Variants in GRM8 observed in about 807,000 individuals in gnomAD.
GRM8 encodes glutamate metabotropic receptor 8.
Under a neutral mutation model 87.2 loss-of-function variants are expected in GRM8, and 47 were observed. The ratio of observed to expected loss-of-function variants is 0.54; its 90% CI spans 0.43 to 0.69. GRM8 has a LOEUF of 0.69. Among genes scored for constraint, GRM8 ranks in the 30% least tolerant of loss-of-function variants. The pLI is 0.00. For synonymous variants in GRM8, 396 were observed against 404.5 expected, an observed-to-expected ratio of 0.98 and a Z score of 0.25; for missense variants, 1,019 against 1,139.2, an observed-to-expected ratio of 0.89 and a Z score of 1.52.
At chr7:126,591,931 G>C (rs1796708652) in intron 8 of GRM8, among the ~76,000 whole-genome samples, 1 of 151,662 alleles carries the variant, frequency 6.6e-6, no homozygotes, top group South Asian at 2.1e-4. Context: ...CATTACAACT[G>C]ATACATCAGA....
chr7:126,515,683 G>A (rs1720700366), intron 9 of GRM8, among the ~76,000 whole-genome samples: 4 of 151,934 alleles, frequency 2.6e-5, no homozygotes, highest in Non-Finnish European at 5.9e-5. Flanking sequence ...CTTGGCTCAT[G>A]GCCCCTTCCA....
At chr7:127,233,610 A>G (rs1797820284) in intron 2 of GRM8, among the ~76,000 whole-genome samples, 1 of 152,198 alleles carries the variant, frequency 6.6e-6, no homozygotes, top group African/African-American at 2.4e-5. Flanking sequence ...CACATGTCCC[A>G]AAGAAGCCTC....
chr7:127,049,878 G>C (rs192490563), intron 3 of GRM8, among the ~76,000 whole-genome samples: 19 of 152,280 alleles, frequency 1.2e-4, no homozygotes, highest in Admixed American at 1.2e-3. Flanking sequence ...GCTTGTGCTT[G>C]ATAGAGGAGA....
At chr7:127,212,552 G>T (rs2116642086) in intron 2 of GRM8, among the ~76,000 whole-genome samples, 1 of 151,018 alleles carries the variant, frequency 6.6e-6, no homozygotes, top group Middle Eastern at 3.5e-3. Flanking sequence ...CAAGTAGCTG[G>T]GACTACAGGC....
intron 2 of GRM8, among the ~76,000 whole-genome samples, chr7:127,228,118 T>C (rs778347984): frequency 1.3e-5 from 2 of 152,158 alleles, no homozygotes; most frequent in Non-Finnish European, 2.9e-5. Flanking sequence ...AAACATACCA[T>C]CTAAAAGGCA....
chr7:126,992,678 A>G (rs866181984), intron 3 of GRM8, among the ~76,000 whole-genome samples: 41 of 152,142 alleles, frequency 2.7e-4, no homozygotes, highest in African/African-American at 8.7e-4. Context: ...GAAACCCTCA[A>G]TGTGACAGTA....
chr7:126,532,301 C>A (rs1428268007), intron 9 of GRM8, among the ~76,000 whole-genome samples: 2 of 152,152 alleles, frequency 1.3e-5, no homozygotes, highest in African/African-American at 4.8e-5. Context: ...GCCTTCTTTA[C>A]CCTCATCATC....
chr7:126,762,000 T>C (rs1263667707), intron 7 of GRM8, among the ~76,000 whole-genome samples: 1 of 152,148 alleles, frequency 6.6e-6, no homozygotes, highest in Non-Finnish European at 1.5e-5. Context: ...ACTTATCAAA[T>C]TGAATTATTG....
At chr7:127,053,136 T>C (rs1419757195) in intron 3 of GRM8, among the ~76,000 whole-genome samples, 1 of 152,180 alleles carries the variant, frequency 6.6e-6, no homozygotes, top group Non-Finnish European at 1.5e-5. Flanking sequence ...TTTAGGCACT[T>C]GGTGAGTGTG....
At chr7:126,628,766 CT>C (rs1372345863) in intron 7 of GRM8, among the ~76,000 whole-genome samples, 3 of 152,002 alleles carry the variant, frequency 2.0e-5, no homozygotes, top group Non-Finnish European at 4.4e-5. Context: ...AAAATACTAG[CT>C]TTTGGGGACA....
intron 2 of GRM8, among the ~76,000 whole-genome samples, chr7:127,132,988 T>C (rs930091049): frequency 2.0e-5 from 3 of 152,214 alleles, no homozygotes; most frequent in Admixed American, 6.5e-5. Flanking sequence ...GATAACAAGC[T>C]GGGCACAGTG....
chr7:126,590,060 G>A (rs1796533186), intron 8 of GRM8, among the ~76,000 whole-genome samples: 1 of 151,250 alleles, frequency 6.6e-6, no homozygotes. Flanking sequence ...GAATTCAGAA[G>A]GCCAATTATT....
At chr7:126,653,707 T>A (rs1804193850) in intron 7 of GRM8, among the ~76,000 whole-genome samples, 1 of 152,158 alleles carries the variant, frequency 6.6e-6, no homozygotes. Context: ...CCAGGGCAAT[T>A]AATCTGGAAC....
At chr7:127,240,231 A>C (rs1013558295) in intron 2 of GRM8, among the ~76,000 whole-genome samples, 1 of 152,170 alleles carries the variant, frequency 6.6e-6, no homozygotes, top group African/African-American at 2.4e-5. Context: ...AGAAGAGAGA[A>C]GCCAGATCCC....
chr7:127,088,962 G>C (rs1255937630), intron 3 of GRM8, among the ~76,000 whole-genome samples: 6 of 152,146 alleles, frequency 3.9e-5, no homozygotes, highest in Non-Finnish European at 8.8e-5. Flanking sequence ...GGACACAATT[G>C]GAAGCGAAGC....
At chr7:126,764,001 C>A (rs533649156) in intron 7 of GRM8, among the ~76,000 whole-genome samples, 4 of 151,892 alleles carry the variant, frequency 2.6e-5, no homozygotes, top group African/African-American at 9.6e-5. Flanking sequence ...AGAAAAAAAG[C>A]GTTCCAGTTC....
Position 126,499,756 on chromosome 7 carries a change from T to A in GRM8, c.2430+33196A>T, listed in dbSNP as rs1032586339. ...CATAGAAGACAATCTAAAGAACTCA[T>A]AGAAGTAGAGAGTAGAATGGTGGTT... On this transcript the variant is annotated intron_variant, in intron 9 of 10. Coordinates refer to ENST00000339582, the MANE Select transcript of GRM8 (RefSeq NM_000845.3). Among the ~76,000 whole-genome samples, 5 of 151,830 alleles carry A rather than the reference T, an allele frequency of 3.3e-5. No homozygotes were observed. The East Asian group carries it at 9.8e-4, about 30-fold the overall frequency.
intron 2 of GRM8, among the ~76,000 whole-genome samples, chr7:127,120,232 T>C (rs1264775088): frequency 6.6e-6 from 1 of 152,216 alleles, no homozygotes; most frequent in Non-Finnish European, 1.5e-5. Flanking sequence ...CTCCCTTTTT[T>C]ATACCTCTCA....
intron 2 of GRM8, among the ~76,000 whole-genome samples, chr7:127,213,868 A>G (rs1796365012): frequency 6.6e-6 from 1 of 152,248 alleles, no homozygotes; most frequent in African/African-American, 2.4e-5. Flanking sequence ...AATGCTGAAT[A>G]CATGCATACT....
Sources: allele counts gnomAD v4.1 joint callset (sites outside exome capture counted in the v4.1 genomes callset), GRCh38; gene constraint gnomAD v4.1.1; transcripts MANE v1.5; gene names NCBI Gene and HGNC (gene_info 2026-07-23, HGNC 2026-07-21).